Variants in CFAP47 observed in about 807,000 individuals in gnomAD.
CFAP47 encodes the protein cilia and flagella associated protein 47.
Under a neutral mutation model 148.1 loss-of-function variants are expected in CFAP47, and 29 were observed. The ratio of observed to expected loss-of-function variants is 0.20; its 90% CI spans 0.15 to 0.27. The LOEUF (loss-of-function observed/expected upper bound fraction) is 0.27, where lower values mean the gene tolerates loss of function less well. Ranked by LOEUF, CFAP47 falls within the 10% of genes least tolerant of loss-of-function variation. CFAP47 has a pLI of 1.00. For missense variants in CFAP47, 1,872 were observed against 1,697.5 expected, an observed-to-expected ratio of 1.10 and a Z score of -1.81; for synonymous variants, 664 against 577.3, an observed-to-expected ratio of 1.15 and a Z score of -2.15.
chrX:36,173,981 C>A (rs1172706276), intron 39 of CFAP47, among the ~76,000 whole-genome samples: 1 of 110,652 alleles, frequency 9.0e-6, no homozygotes, highest in Non-Finnish European at 1.9e-5. Flanking sequence ...AATCTGGGTG[C>A]ACCTGTATTG....
At chrX:36,199,620 G>C (rs1939955238) in intron 42 of CFAP47, among the ~76,000 whole-genome samples, 1 of 111,754 alleles carries the variant, frequency 8.9e-6, no homozygotes, top group African/African-American at 3.2e-5. Context: ...ATACAAAGTT[G>C]TTTGACAGGA....
At chrX:36,137,016 T>G (rs1009270088) in intron 33 of CFAP47, among the ~76,000 whole-genome samples, 1 of 111,422 alleles carries the variant, frequency 9.0e-6, no homozygotes, top group Non-Finnish European at 1.9e-5. Flanking sequence ...GAAAAAGTAC[T>G]GGACATTGTC....
intron 51 of CFAP47, among the ~76,000 whole-genome samples, chrX:36,291,347 G>A (rs1365760901): frequency 8.9e-6 from 1 of 111,803 alleles, no homozygotes; most frequent in Non-Finnish European, 1.9e-5. Flanking sequence ...GTGTTTAGGG[G>A]ATAGAAAGGA....
rs776227827 is a variant in CFAP47 at position 36,172,693 on chromosome X, C to T, written c.6027-6652C>T. ...AAGCTTTTTGATGTGCTGCTGGATT[C>T]GGTTTGCCAGTATTTTATTGAGGAA... On this transcript the variant is annotated intron_variant, in intron 39 of 63. Transcript: ENST00000378653. 5.8e-4 allele frequency among the ~76,000 whole-genome samples: 64 copies of T among 111,240 alleles called. 1 individual carries two copies. Among genetic ancestry groups the T allele is most frequent in the African/African-American group, 1.8e-3 (55 of 30,563 alleles).
At chrX:36,156,149 A>G in intron 37 of CFAP47, among the ~76,000 whole-genome samples, 1 of 111,125 alleles carries the variant, frequency 9.0e-6, no homozygotes, top group African/African-American at 3.3e-5. Context: ...GGCTCTCTTT[A>G]GTTAGGCTAA....
chrX:36,319,198 T>G lies in CFAP47; in HGVS notation c.8345-11T>G, dbSNP rs1186195448. Reference sequence around the variant, plus strand: ...ACATTGAAGTGTAATATCTCTTTATTTTTTAATTAGGTGTGGAACATCCCA... The same window carrying G: ...ACATTGAAGTGTAATATCTCTTTATGTTTTAATTAGGTGTGGAACATCCCA... On this transcript the variant is annotated splice_polypyrimidine_tract_variant and intron_variant, in intron 56 of 63. Coordinates refer to ENST00000378653, the MANE Select transcript of CFAP47 (RefSeq NM_001304548.2). 3 of 993,938 alleles carry G rather than the reference T, an allele frequency of 3.0e-6. No homozygotes were observed. The African/African-American group carries it at 5.9e-5, about 19-fold the overall frequency. 81.9% of individuals were successfully genotyped at this position (993,938 alleles called of 1,213,427 possible).
intron 57 of CFAP47, among the ~76,000 whole-genome samples, chrX:36,335,854 T>C (rs929000780): frequency 2.1e-4 from 23 of 111,528 alleles, no homozygotes; most frequent in African/African-American, 6.8e-4. Context: ...TTGGAGATAA[T>C]TGGGTAAAGA....
intron 22 of CFAP47, among the ~76,000 whole-genome samples, chrX:36,015,176 T>G (rs886379486): frequency 7.3e-5 from 8 of 110,329 alleles, no homozygotes; most frequent in African/African-American, 2.3e-4. Context: ...AGTACATTAT[T>G]ATGTGGTCAA....
At chrX:36,277,018 C>T (rs1405316243) in intron 49 of CFAP47, among the ~76,000 whole-genome samples, 2 of 111,792 alleles carry the variant, frequency 1.8e-5, no homozygotes, top group African/African-American at 6.5e-5. Flanking sequence ...TCCCAGAGTT[C>T]CATGACTGTG....
chrX:36,035,262 G>C (rs1301257041), intron 23 of CFAP47, among the ~76,000 whole-genome samples: 1 of 111,342 alleles, frequency 9.0e-6, no homozygotes, highest in Non-Finnish European at 1.9e-5. Context: ...CTTTAGCCTT[G>C]TAGCTTTCAG....
At chrX:36,334,673 T>C (rs1242693367) in intron 57 of CFAP47, among the ~76,000 whole-genome samples, 1 of 110,430 alleles carries the variant, frequency 9.1e-6, no homozygotes, top group Non-Finnish European at 1.9e-5. Flanking sequence ...GCAACACTTA[T>C]CAAGGTTTAT....
At chrX:36,119,028 T>A (rs1480886766) in intron 33 of CFAP47, among the ~76,000 whole-genome samples, 1 of 111,861 alleles carries the variant, frequency 8.9e-6, no homozygotes, top group East Asian at 2.8e-4. Flanking sequence ...CAAGGATAAT[T>A]TGACTTTTTC....
At chrX:36,144,466 T>A (rs1206637109) in intron 35 of CFAP47, 6 of 843,736 alleles carry the variant, frequency 7.1e-6, no homozygotes, top group Non-Finnish European at 9.0e-6. Context: ...CCTCTTTTTA[T>A]ATTTTTATCT....
intron 50 of CFAP47, among the ~76,000 whole-genome samples, chrX:36,283,786 A>G (rs1941104113): frequency 8.9e-6 from 1 of 111,839 alleles, no homozygotes; most frequent in South Asian, 3.7e-4. Context: ...CATGACAAAT[A>G]TAGTCCCTGT....
At chrX:36,337,856 C>CTTTTT (rs1196038760) in intron 57 of CFAP47, among the ~76,000 whole-genome samples, 7 of 58,338 alleles carry the variant, frequency 1.2e-4, no homozygotes, top group Non-Finnish European at 1.7e-4. Context: ...TTCCATAATC[C>CTTTTT]TTTTTTTTTT....
chrX:36,033,821 A>T (rs1937308911), intron 23 of CFAP47, among the ~76,000 whole-genome samples: 2 of 111,361 alleles, frequency 1.8e-5, no homozygotes, highest in Non-Finnish European at 1.9e-5. Flanking sequence ...AACCTGGTTG[A>T]TAGTTTTATT....
At chrX:35,934,395 C>T (rs1476888841) in intron 2 of CFAP47, among the ~76,000 whole-genome samples, 5 of 110,816 alleles carry the variant, frequency 4.5e-5, no homozygotes, top group Non-Finnish European at 9.4e-5. Flanking sequence ...TCTTAAGGCC[C>T]AAGGTCTCTT....
At chrX:36,259,866 C>T (rs1555999731) in intron 49 of CFAP47, among the ~76,000 whole-genome samples, 1 of 111,289 alleles carries the variant, frequency 9.0e-6, no homozygotes, top group African/African-American at 3.3e-5. Context: ...CCTTCTCCCA[C>T]TTTTCCCCCT....
At chrX:35,924,242 T>G (rs1304847641) in intron 1 of CFAP47, among the ~76,000 whole-genome samples, 2 of 91,180 alleles carry the variant, frequency 2.2e-5, no homozygotes, top group Non-Finnish European at 4.1e-5. Context: ...TGGACATGTA[T>G]GTGTGCATAT....
Sources: allele counts gnomAD v4.1 joint callset (sites outside exome capture counted in the v4.1 genomes callset), GRCh38; gene constraint gnomAD v4.1.1; transcripts MANE v1.5; gene names NCBI Gene and HGNC (gene_info 2026-07-23, HGNC 2026-07-21).